Variants in ANK1 observed in about 807,000 individuals in gnomAD.
The protein encoded by ANK1 is ankyrin-1.
A neutral mutation model predicts 210.4 loss-of-function variants in ANK1; 51 were observed. That is an observed-to-expected ratio of 0.24 (90% CI 0.19 to 0.31). The LOEUF is 0.31. Ranked by LOEUF, ANK1 falls within the 10% of genes least tolerant of loss-of-function variation. The pLI, the probability that ANK1 is intolerant of heterozygous loss-of-function variation, is 1.00. For missense variants in ANK1, 2,051 were observed against 2,504.4 expected (o/e 0.82, Z 3.86); for synonymous variants, 967 against 1,025.9 (o/e 0.94, Z 1.10).
intron 1 of ANK1, among the ~76,000 whole-genome samples, chr8:41,796,766 T>C (rs1273602729): frequency 1.3e-5 from 2 of 151,652 alleles, no homozygotes; most frequent in Non-Finnish European, 2.9e-5. Context: ...ATCACTAAAC[T>C]AAGAACCGTA....
In ANK1 at chr8:41,694,848, A is replaced by G; in HGVS notation, c.3116-45T>C. ...CCACCACCCCGGTCACATCAGGCAC[A>G]GGTTCAGGACTTCCAGGGGCCCCAG... On this transcript the variant is annotated intron_variant, in intron 27 of 42. Coordinates refer to ENST00000289734, the MANE Select transcript of ANK1 (RefSeq NM_000037.4). This position sits in a 1 kb window ranked among gnomAD's most constrained non-coding sequence, Gnocchi z 5.7. The G allele has an allele frequency of 1.9e-6, 3 of 1,598,592 alleles. No individual in the cohort carries two copies. Among genetic ancestry groups the G allele is most frequent in the Non-Finnish European group, 2.6e-6 (3 of 1,168,820 alleles).
At chr8:41,753,329 G>C (rs377666455) in intron 2 of ANK1, among the ~76,000 whole-genome samples, 4 of 152,122 alleles carry the variant, frequency 2.6e-5, no homozygotes, top group East Asian at 1.9e-4. Flanking sequence ...GCCTCCCAAA[G>C]TGCTGAGATT....
At chr8:41,727,487 T>A in intron 4 of ANK1, 139 bp from the exon 5 acceptor site, 1 of 731,636 alleles carries the variant, frequency 1.4e-6, no homozygotes, top group Non-Finnish European at 2.4e-6. Flanking sequence ...AGGAAACTCA[T>A]TGTCATGGTG....
intron 3 of ANK1, among the ~76,000 whole-genome samples, chr8:41,730,249 G>A (rs528800293): frequency 1.3e-5 from 2 of 152,198 alleles, no homozygotes; most frequent in South Asian, 4.1e-4. Context: ...GCCCCATGAG[G>A]CCGCCCTGGG....
intron 1 of ANK1, among the ~76,000 whole-genome samples, chr8:41,759,506 AAAAC>A (rs10530329): frequency 3.3e-5 from 5 of 151,820 alleles, no homozygotes; most frequent in African/African-American, 7.2e-5. Context: ...CTCCGTCTCA[AAAAC>A]AAACAAACAA....
intron 16 of ANK1, among the ~76,000 whole-genome samples, chr8:41,712,269 A>G (rs1349479348): frequency 6.6e-6 from 1 of 152,170 alleles, no homozygotes; most frequent in Non-Finnish European, 1.5e-5. Flanking sequence ...CACTTGAGCA[A>G]TCTGCAGTGT....
rs142425754 is a variant in ANK1 at position 41,688,534 on chromosome 8, C to T, written c.4160G>A (p.Ser1387Asn). The change falls in exon 34 of 43, where the codon AGC becomes AAC. Residue 1387 changes from serine to asparagine, a missense_variant. By Grantham distance (46) the Ser-to-Asn change is conservative. Around this residue, in one of 6 missense-constraint regions of ANK1, gnomAD observed 1,413 missense variants for 1,707.4 expected, o/e 0.83. Transcript: ENST00000289734. Reference sequence around the variant, plus strand: ...ACCTGGTGTGGACTCACTGAGAATGCTGTATCGCAGGGCCAGGGGCGTCGG... The same window carrying T: ...ACCTGGTGTGGACTCACTGAGAATGTTGTATCGCAGGGCCAGGGGCGTCGG... ...RTPTPLALRY[S>N]ILSESTPGSL... 2.1e-5 allele frequency: 34 copies of T among 1,614,096 alleles called. 1 individual carries two copies. In the African/African-American group the frequency reaches 3.9e-4, roughly 18 times the overall value.
At chr8:41,667,380 C>CAG (rs1194412930) in intron 39 of ANK1, among the ~76,000 whole-genome samples, 2 of 152,146 alleles carry the variant, frequency 1.3e-5, no homozygotes. Flanking sequence ...AAAACAGAGA[C>CAG]AGAACATGTC....
In ANK1 at chr8:41,848,187, AAAATAAATAAATAAAT is replaced by A. The variant is rs10632156; in HGVS notation, c.126+48152_126+48167del. Among the ~76,000 whole-genome samples, 55 of 142,954 alleles carry A rather than the reference AAAATAAATAAATAAAT, an allele frequency of 3.8e-4. 1 individual carries two copies. In the South Asian group the frequency reaches 5.7e-3, roughly 15 times the overall value. 93.8% of individuals were successfully genotyped at this position (142,954 alleles called of 152,430 possible). On this transcript the variant is annotated intron_variant, in intron 1 of 42. Coordinates refer to the ANK1 transcript ENST00000265709. Reference sequence around the variant, plus strand: ...GGGAATACAGTGAGACTCAATTTCAAAAATAAATAAATAAATAAATAAATAAATAAATAAATAAATA... The same window carrying A: ...GGGAATACAGTGAGACTCAATTTCAAAAATAAATAAATAAATAAATAAATA...
intron 1 of ANK1, among the ~76,000 whole-genome samples, chr8:41,867,368 A>G (rs1359837031): frequency 1.3e-5 from 2 of 152,242 alleles, no homozygotes; most frequent in East Asian, 3.8e-4. Context: ...AAAGATGCTC[A>G]TGCCCTGCTT....
intron 1 of ANK1, among the ~76,000 whole-genome samples, chr8:41,815,639 T>G (rs1364707571): frequency 2.0e-5 from 3 of 152,186 alleles, no homozygotes; most frequent in African/African-American, 7.2e-5. Flanking sequence ...CCTTGTATAC[T>G]TTCTATGCAG....
intron 2 of ANK1, among the ~76,000 whole-genome samples, chr8:41,757,364 C>T: frequency 6.6e-6 from 1 of 152,200 alleles, no homozygotes; most frequent in East Asian, 1.9e-4. Flanking sequence ...AATCCACAAG[C>T]CCAAGCCACA....
chr8:41,829,643 A>C (rs892711293), intron 1 of ANK1: 3 of 152,200 alleles, frequency 2.0e-5, no homozygotes, highest in Admixed American at 1.3e-4. Context: ...CTGCCTTTTA[A>C]AAAGAAATCT....
chr8:41,763,883 T>TTTTTG (rs1841076130), intron 1 of ANK1, among the ~76,000 whole-genome samples: 1 of 113,776 alleles, frequency 8.8e-6, no homozygotes, highest in Non-Finnish European at 1.8e-5. Flanking sequence ...CTTTTTTTCT[T>TTTTTG]TTTTTCTTTT....
At chr8:41,746,426 C>T (rs1586657512) in intron 2 of ANK1, among the ~76,000 whole-genome samples, 1 of 152,026 alleles carries the variant, frequency 6.6e-6, no homozygotes, top group African/African-American at 2.4e-5. Flanking sequence ...AGAGAGGTGG[C>T]GCAGATGGAA....
intron 8 of ANK1, 52 bp from the exon 9 acceptor site, chr8:41,723,275 C>A (rs1413649535): frequency 1.9e-6 from 3 of 1,584,720 alleles, no homozygotes; most frequent in Non-Finnish European, 2.6e-6. Context: ...CTATCAGAGG[C>A]CATTTGGAGA....
intron 9 of ANK1, among the ~76,000 whole-genome samples, chr8:41,721,584 G>A (rs927361909): frequency 4.7e-5 from 7 of 150,396 alleles, no homozygotes; most frequent in African/African-American, 1.7e-4. Flanking sequence ...TTGAACCTGT[G>A]AGGCGGAGGT....
At chr8:41,799,689 G>A (rs1049541345), upstream of ANK1, among the ~76,000 whole-genome samples, 1 of 152,170 alleles carries the variant, frequency 6.6e-6, no homozygotes, top group South Asian at 2.1e-4. Context: ...GGCCAGCACA[G>A]CTTCTCTGGG....
intron 1 of ANK1, among the ~76,000 whole-genome samples, chr8:41,817,297 T>G (rs1222975710): frequency 6.6e-6 from 1 of 152,264 alleles, no homozygotes; most frequent in Non-Finnish European, 1.5e-5. Context: ...TTAAAACTTT[T>G]CCTTCTTTTT....
Sources: gnomAD v4.1 joint callset for allele counts (sites outside exome capture counted in the v4.1 genomes callset) on GRCh38, gnomAD v4.1.1 for gene constraint, gnomAD v4.1.1 regional missense constraint, Gnocchi (gnomAD v3.1) non-coding constraint, MANE v1.5 for transcripts, NCBI Gene and HGNC (gene_info 2026-07-23, HGNC 2026-07-21) for gene names.